Variants in STAC observed in about 807,000 individuals in gnomAD.
STAC encodes the protein SH3 and cysteine-rich domain-containing protein.
A neutral mutation model predicts 48.8 loss-of-function variants in STAC; 43 were observed. The observed-to-expected ratio is 0.88, with a 90% CI of 0.69 to 1.14. The LOEUF is 1.14. STAC is among the 50% of genes most tolerant of loss of function. The pLI, the probability that STAC is intolerant of heterozygous loss-of-function variation, is 0.00. For synonymous variants in STAC, 193 were observed against 179.5 expected, an observed-to-expected ratio of 1.07 and a Z score of -0.60; for missense variants, 497 against 504.0, an observed-to-expected ratio of 0.99 and a Z score of 0.13.
At chr3:36,398,368 A>AAAGGAAAAGAAAGAGAG (rs1553631494) in intron 1 of STAC, among the ~76,000 whole-genome samples, 1 of 102,880 alleles carries the variant, frequency 9.7e-6, no homozygotes, top group African/African-American at 3.8e-5. Context: ...AGAAAGAAAG[A>AAAGGAAAAGAAAGAGAG]AAAGAAAGAG....
intron 8 of STAC, among the ~76,000 whole-genome samples, chr3:36,512,157 A>T (rs1698558212): frequency 6.6e-6 from 1 of 152,164 alleles, no homozygotes; most frequent in Non-Finnish European, 1.5e-5. Context: ...TCTATTGCTG[A>T]GTAAAATCGT....
At chr3:36,419,719 T>C (rs1040826879) in intron 1 of STAC, among the ~76,000 whole-genome samples, 2 of 149,118 alleles carry the variant, frequency 1.3e-5, no homozygotes, top group Non-Finnish European at 3.0e-5. Context: ...GAAGAACTGT[T>C]TTCTTCTTTG....
At chr3:36,421,027 T>C (rs1277430373) in intron 1 of STAC, among the ~76,000 whole-genome samples, 1 of 152,240 alleles carries the variant, frequency 6.6e-6, no homozygotes, top group East Asian at 1.9e-4. Flanking sequence ...TTGTTTCATA[T>C]TGTGGAAGGG....
intron 8 of STAC, among the ~76,000 whole-genome samples, chr3:36,525,738 A>G (rs1559525493): frequency 6.6e-6 from 1 of 152,188 alleles, no homozygotes; most frequent in Non-Finnish European, 1.5e-5. Flanking sequence ...TAAATCCCTG[A>G]CCTGGGAAAG....
At chr3:36,518,990 T>C (rs966368446) in intron 8 of STAC, among the ~76,000 whole-genome samples, 5 of 152,060 alleles carry the variant, frequency 3.3e-5, no homozygotes, top group African/African-American at 1.2e-4. Context: ...GTAGCCCAGG[T>C]AACTTACAGC....
chr3:36,404,806 A>T (rs1700060066), intron 1 of STAC, among the ~76,000 whole-genome samples: 1 of 152,092 alleles, frequency 6.6e-6, no homozygotes, highest in Admixed American at 6.6e-5. Context: ...AAGTTCACAG[A>T]AATGTTTCTG....
chr3:36,493,312 T>G (rs1362914497), intron 6 of STAC, 83 bp downstream of exon 6: 1 of 1,241,118 alleles, frequency 8.1e-7, no homozygotes, highest in Non-Finnish European at 1.2e-6. Context: ...CCAGTCCCCT[T>G]GCTTTCTCTG....
intron 10 of STAC, among the ~76,000 whole-genome samples, chr3:36,545,273 C>T (rs1687293038): frequency 6.6e-6 from 1 of 152,210 alleles, no homozygotes; most frequent in South Asian, 2.1e-4. Context: ...TGAGACAATT[C>T]TGTGATGCAA....
chr3:36,444,570 C>A (rs760583906), intron 2 of STAC, among the ~76,000 whole-genome samples: 18 of 152,202 alleles, frequency 1.2e-4, no homozygotes, highest in Non-Finnish European at 1.6e-4. Context: ...CCGGAGGTGG[C>A]ACACTGTGAC....
intron 1 of STAC, among the ~76,000 whole-genome samples, chr3:36,416,581 C>A (rs1700325459): frequency 6.6e-6 from 1 of 152,116 alleles, no homozygotes; most frequent in South Asian, 2.1e-4. Context: ...TATATCAAGT[C>A]TTGTATTTTT....
In STAC at chr3:36,443,549, T is replaced by G; in HGVS notation, c.297T>G (p.Ala99=). 6.2e-7 allele frequency: 1 copy of G among 1,614,228 alleles called. No individual in the cohort carries two copies. Among genetic ancestry groups the G allele is most frequent in the South Asian group, 1.1e-5 (1 of 91,090 alleles). ...PGSLTSTPAR[A]GLHPGGKAHA... is the part of the protein sequence containing the mutation. ...GCCTGACGTCCACACCCGCCAGGGC[T>G]GGTCTGCATCCAGGTGGCAAGGCTC... is the stretch of plus-strand genomic sequence containing the variant. The change falls in exon 2 of 11, where the codon GCT becomes GCG. Residue 99 remains alanine (A), a synonymous_variant. Transcript: ENST00000273183. The surrounding 1 kb of genome is among the most constrained non-coding windows in gnomAD (Gnocchi z 4.2).
At chr3:36,393,169 G>C (rs1320240538) in intron 1 of STAC, among the ~76,000 whole-genome samples, 1 of 152,024 alleles carries the variant, frequency 6.6e-6, no homozygotes. Context: ...CCACACCAGA[G>C]CATAAAATCC....
In STAC at chr3:36,443,131, A is replaced by T. The variant is rs377472539; in HGVS notation, c.112-233A>T. Among the ~76,000 whole-genome samples, 3 of 152,186 alleles carry T rather than the reference A, an allele frequency of 2.0e-5. No individual in the cohort carries two copies. Among genetic ancestry groups the T allele is most frequent in the African/African-American group, 7.2e-5 (3 of 41,446 alleles). On this transcript the variant is annotated intron_variant, in intron 1 of 10. Coordinates refer to ENST00000273183, the MANE Select transcript of STAC (RefSeq NM_003149.3). This position sits in a 1 kb window ranked among gnomAD's most constrained non-coding sequence, Gnocchi z 4.2. ...GGGGAGGAGGAGCAGGGGCAGAATC[A>T]AAGGCAAAATAGGACCTCTTTCTGC...
intron 10 of STAC, among the ~76,000 whole-genome samples, chr3:36,543,866 T>C (rs1699384415): frequency 6.6e-6 from 1 of 152,188 alleles, no homozygotes; most frequent in South Asian, 2.1e-4. Context: ...CAATACAGCA[T>C]TCTTGTGTGT....
intron 1 of STAC, among the ~76,000 whole-genome samples, chr3:36,421,056 GA>G (rs1472970149): frequency 7.9e-5 from 12 of 152,240 alleles, no homozygotes; most frequent in African/African-American, 2.9e-4. Context: ...AGAGATCTAA[GA>G]TTTCTTTCTT....
chr3:36,504,291 T>C (rs1263400212), intron 6 of STAC, 102 bp from the exon 7 acceptor site: 1 of 1,095,624 alleles, frequency 9.1e-7, no homozygotes, highest in Admixed American at 2.0e-5. Context: ...AGTAGTAAAG[T>C]AGAAGCTATG....
At chr3:36,390,708 A>C (rs1295914820) in intron 1 of STAC, among the ~76,000 whole-genome samples, 1 of 152,046 alleles carries the variant, frequency 6.6e-6, no homozygotes, top group Non-Finnish European at 1.5e-5. Context: ...GCCAAGTTTC[A>C]GAAAATGAAT....
In STAC at chr3:36,485,020, A is replaced by G. The variant is rs566022574; in HGVS notation, c.533A>G (p.His178Arg). The G allele has an allele frequency of 1.3e-4, 210 of 1,604,960 alleles. No individual in the cohort carries two copies. In the East Asian group the frequency reaches 3.9e-3, roughly 30 times the overall value. The change falls in exon 4 of 11, where the codon CAT (histidine) becomes CGT (arginine). Residue 178 changes from histidine (H) to arginine (R), a missense_variant. Coordinates refer to ENST00000273183, the MANE Select transcript of STAC (RefSeq NM_003149.3). ...RRYYSSPLLI[H>R]EQFGCIKEVM... Reference sequence around the variant, plus strand: ...TACTACAGCTCCCCCTTGCTCATTCATGAACAGTTTGGCTGCATTAAAGAA... The same window carrying G: ...TACTACAGCTCCCCCTTGCTCATTCGTGAACAGTTTGGCTGCATTAAAGAA...
intron 10 of STAC, among the ~76,000 whole-genome samples, chr3:36,533,962 TAAAG>T (rs1254657155): frequency 6.6e-6 from 1 of 152,142 alleles, no homozygotes; most frequent in African/African-American, 2.4e-5. Context: ...ACTCAGGTAA[TAAAG>T]ATAGTATCAA....
Sources: allele counts gnomAD v4.1 joint callset (sites outside exome capture counted in the v4.1 genomes callset), GRCh38; gene constraint gnomAD v4.1.1; non-coding constraint Gnocchi (gnomAD v3.1); transcripts MANE v1.5; gene names NCBI Gene and HGNC (gene_info 2026-07-23, HGNC 2026-07-21).